EYS: variants seen among roughly 807,000 people sequenced by gnomAD.
The protein encoded by EYS is EGF-like photoreceptor maintenance factor, also known as protein eyes shut homolog.
Under a neutral mutation model 282.1 loss-of-function variants are expected in EYS, and 250 were observed. That is an observed-to-expected ratio of 0.89 (90% CI 0.80 to 0.98). EYS has a LOEUF of 0.98. EYS is among the 50% of genes least tolerant of loss of function. The pLI is 0.00. For synonymous variants in EYS, 1,355 were observed against 1,282.9 expected, an observed-to-expected ratio of 1.06 and a Z score of -1.20; for missense variants, 4,016 against 3,709.0, an observed-to-expected ratio of 1.08 and a Z score of -2.15.
At chr6:64,638,365 G>T (rs1392215519) in intron 22 of EYS, among the ~76,000 whole-genome samples, 1 of 90,766 alleles carries the variant, frequency 1.1e-5, no homozygotes, top group Non-Finnish European at 2.4e-5. Flanking sequence ...ATCTAAAATA[G>T]TGAGAATATG....
At chr6:63,748,737 T>G (rs1262666933) in intron 41 of EYS, among the ~76,000 whole-genome samples, 1 of 152,126 alleles carries the variant, frequency 6.6e-6, no homozygotes, top group Non-Finnish European at 1.5e-5. Context: ...ATCCAGGAAT[T>G]TATCTATTTT....
At chr6:64,273,338 T>A (rs1299020767) in intron 30 of EYS, among the ~76,000 whole-genome samples, 1 of 152,220 alleles carries the variant, frequency 6.6e-6, no homozygotes, top group East Asian at 1.9e-4. Context: ...TTATTTTGCA[T>A]AAAGTCCATT....
At chr6:63,917,824 C>G (rs558364138) in intron 35 of EYS, among the ~76,000 whole-genome samples, 1 of 152,254 alleles carries the variant, frequency 6.6e-6, no homozygotes, top group East Asian at 1.9e-4. Flanking sequence ...CTTTAATGAG[C>G]CTTATCAGCG....
At chr6:65,211,065 T>C (rs1177631364) in intron 12 of EYS, among the ~76,000 whole-genome samples, 1 of 151,746 alleles carries the variant, frequency 6.6e-6, no homozygotes, top group Non-Finnish European at 1.5e-5. Flanking sequence ...AAATGTAAAA[T>C]GGGGAAGTGT....
chr6:64,127,191 G>T (rs1773814547), intron 31 of EYS, among the ~76,000 whole-genome samples: 1 of 152,140 alleles, frequency 6.6e-6, no homozygotes, highest in Non-Finnish European at 1.5e-5. Flanking sequence ...TGTCTTGTTT[G>T]TATCTAGGTT....
intron 22 of EYS, among the ~76,000 whole-genome samples, chr6:64,675,053 A>C (rs951802612): frequency 6.6e-6 from 1 of 152,154 alleles, no homozygotes; most frequent in African/African-American, 2.4e-5. Flanking sequence ...TCCAACATAA[A>C]ATTTGTTTTG....
At chr6:64,578,979 G>A (rs747105171) in intron 26 of EYS, among the ~76,000 whole-genome samples, 9 of 152,070 alleles carry the variant, frequency 5.9e-5, no homozygotes, top group Non-Finnish European at 1.3e-4. Context: ...AGATTTGGGA[G>A]GCAACAGAAA....
intron 2 of EYS, among the ~76,000 whole-genome samples, chr6:65,598,968 T>G (rs1765515276): frequency 6.6e-6 from 1 of 152,088 alleles, no homozygotes; most frequent in Non-Finnish European, 1.5e-5. Flanking sequence ...GGTGTATATA[T>G]CTATATCTAT....
At chr6:64,611,514 T>C (rs898473544) in intron 24 of EYS, among the ~76,000 whole-genome samples, 3 of 152,180 alleles carry the variant, frequency 2.0e-5, no homozygotes, top group African/African-American at 7.2e-5. Context: ...TTCCTTATTA[T>C]CCCACACATT....
In EYS at chr6:65,003,778, A is replaced by G. The variant is rs973794948; in HGVS notation, c.2138-6075T>C. 2.7e-5 allele frequency among the ~76,000 whole-genome samples: 4 copies of G among 147,682 alleles called. 1 individual carries two copies. The East Asian group carries it at 8.5e-4, about 31-fold the overall frequency. ...AGGGCAGGTTACCTGATACTGAGGG[A>G]TCATGTAGAAATATATTTTAAAGGA... On this transcript the variant is annotated intron_variant, in intron 13 of 42. Transcript: ENST00000503581.
chr6:64,781,213 A>G (rs1025240021), intron 22 of EYS, among the ~76,000 whole-genome samples: 11 of 152,174 alleles, frequency 7.2e-5, no homozygotes, highest in Non-Finnish European at 1.6e-4. Context: ...CATTTTTTTT[A>G]GAATAGGTAT....
intron 8 of EYS, among the ~76,000 whole-genome samples, chr6:65,357,935 G>A (rs1277275782): frequency 6.6e-6 from 1 of 151,866 alleles, no homozygotes; most frequent in African/African-American, 2.4e-5. Flanking sequence ...TGACCAGATA[G>A]GTGTCTTTGT....
At chr6:64,901,039 C>T (rs1767638715) in intron 18 of EYS, among the ~76,000 whole-genome samples, 1 of 103,856 alleles carries the variant, frequency 9.6e-6, no homozygotes. Flanking sequence ...GACACATATA[C>T]ACCATGAAAT....
chr6:63,981,657 G>A (rs895175346), intron 35 of EYS, among the ~76,000 whole-genome samples: 3 of 151,846 alleles, frequency 2.0e-5, no homozygotes, highest in Non-Finnish European at 4.4e-5. Context: ...TTTAAACAGT[G>A]CATGCCAAAT....
At chr6:64,325,635 A>G (rs1770387351) in intron 29 of EYS, among the ~76,000 whole-genome samples, 1 of 152,204 alleles carries the variant, frequency 6.6e-6, no homozygotes, top group Non-Finnish European at 1.5e-5. Context: ...CACCAGAGAA[A>G]GGTGAAGCCC....
intron 35 of EYS, among the ~76,000 whole-genome samples, chr6:63,962,758 G>T (rs1028147319): frequency 1.3e-5 from 2 of 151,996 alleles, no homozygotes; most frequent in African/African-American, 4.8e-5. Flanking sequence ...CGCATTACTG[G>T]GTATATACCC....
At chr6:65,082,104 T>A (rs775195898) in intron 12 of EYS, among the ~76,000 whole-genome samples, 2 of 152,100 alleles carry the variant, frequency 1.3e-5, no homozygotes, top group Admixed American at 6.6e-5. Flanking sequence ...TTTCATCAGA[T>A]CCATGTCTCA....
At chr6:64,328,301 A>G (rs1474604060) in intron 29 of EYS, among the ~76,000 whole-genome samples, 1 of 152,176 alleles carries the variant, frequency 6.6e-6, no homozygotes, top group Non-Finnish European at 1.5e-5. Context: ...CAGGTACAGG[A>G]TATATCAGGC....
intron 32 of EYS, 111 bp downstream of exon 32, chr6:64,081,745 C>G (rs1771976582): frequency 6.6e-6 from 6 of 907,706 alleles, no homozygotes; most frequent in Non-Finnish European, 6.4e-6. Context: ...GCTTCATGCA[C>G]TGGTCTGGAA....
Sources: allele counts gnomAD v4.1 joint callset (sites outside exome capture counted in the v4.1 genomes callset), GRCh38; gene constraint gnomAD v4.1.1; transcripts MANE v1.5; gene names NCBI Gene and HGNC (gene_info 2026-07-23, HGNC 2026-07-21).